The following USP16 variants were observed in gnomAD, a reference collection of about 807,000 sequenced individuals.
USP16 encodes the protein ubiquitin carboxyl-terminal hydrolase 16.
USP16 carries 77 observed loss-of-function variants against 95.9 expected under a neutral mutation model. That is an observed-to-expected ratio of 0.80 (90% CI 0.67 to 0.97). USP16 has a LOEUF of 0.97. Ranked by LOEUF, USP16 falls within the 50% of genes least tolerant of loss-of-function variation. The pLI is 0.00. For missense variants in USP16, 943 were observed against 959.9 expected (o/e 0.98, Z 0.23); for synonymous variants, 303 against 318.2 (o/e 0.95, Z 0.51).
At position 29,043,492 on chromosome 21, in the gene USP16, G is replaced by A. The variant is rs144388105; in HGVS notation, c.1249G>A (p.Glu417Lys). ...GGAGGATGAAGATCAAGATAGTGAG[G>A]AAGAAAAAGATAACGACAGTTACAT... ...TVEDEDQDSEEEKDNDSYIKE... is the reference protein window; with the variant it reads ...TVEDEDQDSEKEKDNDSYIKE... Residue 417 changes from glutamate (E) to lysine (K), a missense_variant, in exon 13 of 18, where the codon GAA becomes AAA. Physicochemically the swap from Glu to Lys is moderately conservative, Grantham distance 56. Transcript: ENST00000399976. The A allele has an allele frequency of 9.2e-5, 147 of 1,597,270 alleles. No homozygotes were observed. The Middle Eastern group carries it at 3.8e-3, about 42-fold the overall frequency.
intron 3 of USP16, among the ~76,000 whole-genome samples, chr21:29,034,087 G>GT (rs1242142494): frequency 1.3e-5 from 2 of 152,150 alleles, no homozygotes; most frequent in Admixed American, 6.5e-5. Flanking sequence ...TTTATTAGGA[G>GT]TTTAAGAGTG....
At chr21:29,034,345 G>A (rs1179451768) in intron 3 of USP16, among the ~76,000 whole-genome samples, 1 of 139,786 alleles carries the variant, frequency 7.2e-6, no homozygotes. Context: ...TTTTGCTCTT[G>A]TTGCCCAGGC....
chr21:29,036,169 A>G, intron 4 of USP16, 102 bp from the exon 5 acceptor site: 1 of 922,682 alleles, frequency 1.1e-6, no homozygotes, highest in Non-Finnish European at 1.7e-6. Context: ...TCTTTAATAG[A>G]ATAAGTTGGC....
chr21:29,036,523 A>G (rs932180783), intron 5 of USP16, 149 bp downstream of exon 5: 9 of 746,710 alleles, frequency 1.2e-5, no homozygotes, highest in East Asian at 1.1e-4. Context: ...TGGTTTAACT[A>G]TAAGGTATTA....
In USP16 at chr21:29,024,678, C is replaced by T; in HGVS notation, c.-141C>T. On this transcript the variant is annotated 5_prime_UTR_variant, in exon 1 of 18. Coordinates refer to ENST00000399976, the MANE Select transcript of USP16 (RefSeq NM_006447.3). ...TGCTTTCCAGGGGTCACTCTGGCTT[C>T]GACTCCGTCGCTCTCAATTCGTCAC... 1 of 1,285,356 alleles carries T rather than the reference C, an allele frequency of 7.8e-7. No homozygotes were observed. Among genetic ancestry groups the T allele is most frequent in the Non-Finnish European group, 1.0e-6 (1 of 985,216 alleles). 79.6% of individuals were successfully genotyped at this position (1,285,356 alleles called of 1,614,324 possible).
In USP16 at chr21:29,034,818, A is replaced by G. The variant is rs758312813; in HGVS notation, c.241-19A>G. The G allele has an allele frequency of 6.2e-7, 1 of 1,612,918 alleles. No homozygotes were observed. Among genetic ancestry groups the G allele is most frequent in the Non-Finnish European group, 8.5e-7 (1 of 1,179,106 alleles). ...CTGAGTTTTTATGGCTTTGAGGTTT[A>G]TGATTATGATTTTTTTAGGGCTGTG... On this transcript the variant is annotated intron_variant, in intron 3 of 17. Coordinates refer to ENST00000399976, the MANE Select transcript of USP16 (RefSeq NM_006447.3).
At chr21:29,025,382 A>G (rs1036532115) in intron 1 of USP16, among the ~76,000 whole-genome samples, 1 of 152,216 alleles carries the variant, frequency 6.6e-6, no homozygotes, top group Non-Finnish European at 1.5e-5. Context: ...TCCTGCGAAG[A>G]GTCATTTCAC....
In USP16 at chr21:29,048,747, C is replaced by A. The variant is rs1260740649; in HGVS notation, c.2012-14C>A. 2 of 1,606,706 alleles carry A rather than the reference C, an allele frequency of 1.2e-6. No individual in the cohort carries two copies. The highest frequency in any genetic ancestry group is 8.5e-7 in the Non-Finnish European group (1 of 1,175,718). On this transcript the variant is annotated splice_polypyrimidine_tract_variant and intron_variant, in intron 14 of 17. Transcript: ENST00000399976. ...ATGATTTTCTCCCTGTTAAAAATTT[C>A]TTCTTTTCTTTAGGTGAAAGGAAGC... is the stretch of plus-strand genomic sequence containing the variant.
At chr21:29,043,307 G>GA (rs1043540294) in intron 12 of USP16, 116 bp from the exon 13 acceptor site, 656 of 709,248 alleles carry the variant, frequency 9.2e-4, no homozygotes, top group Middle Eastern at 3.2e-3. Flanking sequence ...AAATATTGTG[G>GA]AAAAAAAAAG....
intron 3 of USP16, 47 bp downstream of exon 3, chr21:29,030,820 G>T (rs2085066683): frequency 6.4e-7 from 1 of 1,554,732 alleles, no homozygotes; most frequent in South Asian, 1.3e-5. Flanking sequence ...AAAACTCTTT[G>T]AACTTACTTT....
rs186137878 is a variant in USP16, at chr21:29,048,043, C to T, written c.2012-718C>T. Among the ~76,000 whole-genome samples the T allele has an allele frequency of 9.4e-5, 12 of 128,030 alleles. 1 individual carries two copies. In the South Asian group the frequency reaches 2.0e-3, roughly 21 times the overall value. The allele number at this position is 128,030 out of a possible 152,430, so 84.0% of individuals were successfully genotyped here. ...GTCTGTATATATATCAGCTCAGAGA[C>T]GATACGTGTGTGTGTGTGTGTGTGT... is the stretch of plus-strand genomic sequence containing the variant. On this transcript the variant is annotated intron_variant, in intron 14 of 17. Coordinates refer to ENST00000399976, the MANE Select transcript of USP16 (RefSeq NM_006447.3).
intron 14 of USP16, 101 bp downstream of exon 14, chr21:29,047,422 G>A: frequency 7.9e-7 from 1 of 1,273,638 alleles, no homozygotes. Context: ...TGGATGGCAT[G>A]AATAAGTGTC....
intron 9 of USP16, 118 bp downstream of exon 9, chr21:29,039,686 A>ATG (rs2085216059): frequency 1.0e-6 from 1 of 978,572 alleles, no homozygotes; most frequent in African/African-American, 1.7e-5. Context: ...ATACTTTAAA[A>ATG]TTTTTTCTTA....
chr21:29,025,407 T>C (rs2146352420), intron 1 of USP16, among the ~76,000 whole-genome samples: 1 of 152,346 alleles, frequency 6.6e-6, no homozygotes, highest in Middle Eastern at 3.4e-3. Context: ...ACGTTAATGC[T>C]CATCCGATGA....
In USP16 at chr21:29,036,500, A is replaced by G. The variant is rs974827199; in HGVS notation, c.448+126A>G. 5.7e-6 allele frequency: 5 copies of G among 884,892 alleles called. No individual in the cohort carries two copies. In the South Asian group the frequency reaches 6.8e-5, roughly 12 times the overall value. The allele number at this position is 884,892 out of a possible 1,614,324, so 54.8% of individuals were successfully genotyped here. ...CATTAGTTATGGTTGATTGCAAACT[A>G]TGAAACTATTTTTGGTTTAACTATA... On this transcript the variant is annotated intron_variant, in intron 5 of 17. Coordinates refer to ENST00000399976, the MANE Select transcript of USP16 (RefSeq NM_006447.3).
chr21:29,038,542 C>T, intron 7 of USP16, 112 bp downstream of exon 7: 2 of 839,390 alleles, frequency 2.4e-6, no homozygotes, highest in Non-Finnish European at 3.8e-6. Context: ...TTTTGTTTTA[C>T]TTTAGGCTAC....
At position 29,043,374 on chromosome 21, in the gene USP16, ATGGTAG is replaced by A. The variant is rs749378815; in HGVS notation, c.1180-47_1180-42del. ...CATAGTGTGGATTTTTTTTCACCAA[ATGGTAG>A]TTGTAAAATTTTGTTTTTGACCTAT... On this transcript the variant is annotated intron_variant, in intron 12 of 17. Coordinates refer to ENST00000399976, the MANE Select transcript of USP16 (RefSeq NM_006447.3). The A allele has an allele frequency of 2.3e-6, 3 of 1,279,004 alleles. No homozygotes were observed. In the South Asian group the frequency reaches 7.6e-5, roughly 32 times the overall value. The allele number at this position is 1,279,004 out of a possible 1,614,324, so 79.2% of individuals were successfully genotyped here.
rs2085171368 is a variant in USP16 at position 29,037,218 on chromosome 21, CT to C, written c.449-56del. The C allele has an allele frequency of 4.4e-6, 5 of 1,124,854 alleles. No individual in the cohort carries two copies. In the South Asian group the frequency reaches 9.6e-5, roughly 22 times the overall value. The allele number at this position is 1,124,854 out of a possible 1,614,324, so 69.7% of individuals were successfully genotyped here. A position where few individuals can be genotyped will look rare whatever the true frequency, so the allele number is the denominator to read the frequency against. ...ACTCTAGTACTGTTTCCCAAGTATA[CT>C]TCTGCATTCGATATGACTGTATTAC... On this transcript the variant is annotated intron_variant, in intron 5 of 17. Transcript: ENST00000399976.
At chr21:29,050,610 G>A (rs2085399123) in intron 16 of USP16, among the ~76,000 whole-genome samples, 1 of 152,326 alleles carries the variant, frequency 6.6e-6, no homozygotes. Flanking sequence ...GAATCAAGAT[G>A]AAATGAGTTT....
Sources: gnomAD v4.1 joint callset for allele counts (sites outside exome capture counted in the v4.1 genomes callset) on GRCh38, gnomAD v4.1.1 for gene constraint, MANE v1.5 for transcripts, NCBI Gene and HGNC (gene_info 2026-07-23, HGNC 2026-07-21) for gene names.